SPRED1: variants seen among roughly 807,000 people sequenced by gnomAD.
SPRED1 encodes the protein sprouty-related, EVH1 domain-containing protein 1.
A neutral mutation model predicts 52.3 loss-of-function variants in SPRED1; 18 were observed. That is an observed-to-expected ratio of 0.34 (90% CI 0.24 to 0.51). SPRED1 has a LOEUF of 0.51. Among genes scored for constraint, SPRED1 ranks in the 20% least tolerant of loss-of-function variants. SPRED1 has a pLI of 0.97. For missense variants in SPRED1, 485 were observed against 551.0 expected (o/e 0.88, Z 1.20); for synonymous variants, 155 against 179.7 (o/e 0.86, Z 1.10).
At chr15:38,283,622 T>C (rs1015929539) in intron 1 of SPRED1, 3 of 544,756 alleles carry the variant, frequency 5.5e-6, no homozygotes, top group Non-Finnish European at 7.0e-6. Flanking sequence ...AATATTCTTA[T>C]TTTTATATAA....
intron 4 of SPRED1, among the ~76,000 whole-genome samples, chr15:38,328,402 G>T (rs1490886637): frequency 3.3e-5 from 5 of 152,106 alleles, no homozygotes; most frequent in African/African-American, 1.2e-4. Flanking sequence ...TAAGCTATTG[G>T]ACAACTTTCT....
chr15:38,299,418 C>T lies in SPRED1; in HGVS notation c.78C>T (p.Asp26=). The part of the protein sequence containing the change: ...RVRAVVMTRD[D]SSGGWLPLGG... ...GAGCTGTGGTGATGACCCGAGATGA[C>T]TCAAGTGGTGGATGGTTACCACTTG... is the stretch of plus-strand genomic sequence containing the variant. The change falls in exon 2 of 7, where the codon GAC becomes GAT. Residue 26 remains aspartate (D), a synonymous_variant. Transcript: ENST00000299084. 6.2e-7 allele frequency: 1 copy of T among 1,613,944 alleles called. No homozygotes were observed. The highest frequency in any genetic ancestry group is 8.5e-7 in the Non-Finnish European group (1 of 1,179,910).
intron 4 of SPRED1, among the ~76,000 whole-genome samples, chr15:38,325,029 G>A (rs1307288079): frequency 6.6e-6 from 1 of 152,128 alleles, no homozygotes; most frequent in Non-Finnish European, 1.5e-5. Flanking sequence ...TTTGAGACAA[G>A]GTCTTGCTAT....
At chr15:38,318,666 A>G (rs1285295501) in intron 2 of SPRED1, among the ~76,000 whole-genome samples, 2 of 152,080 alleles carry the variant, frequency 1.3e-5, no homozygotes, top group East Asian at 1.9e-4. Context: ...GCTCCCTCTT[A>G]TAAGTAAGAA....
In SPRED1 at chr15:38,339,903, G is replaced by A. The variant is rs1895996690; in HGVS notation, c.582+8G>A. 6.2e-7 allele frequency: 1 copy of A among 1,613,550 alleles called. No homozygotes were observed. Among genetic ancestry groups the A allele is most frequent in the South Asian group, 1.1e-5 (1 of 91,066 alleles). On this transcript the variant is annotated splice_region_variant and intron_variant, in intron 5 of 6. Transcript: ENST00000299084. ...CAAAGCCAAGCCAATCAGGTAAGAA[G>A]ATAAAATATTTTTTCGGCGCGTTGT...
chr15:38,355,710 G>A lies in SPRED1; in HGVS notation c.*4046G>A, dbSNP rs886051118. Reference sequence around the variant, plus strand: ...TTAGAAAACTTTAGTTACCTGAAAAGCAAGGATTCTTTACTAATTATTATG... The same window carrying A: ...TTAGAAAACTTTAGTTACCTGAAAAACAAGGATTCTTTACTAATTATTATG... On this transcript the variant is annotated 3_prime_UTR_variant, in exon 7 of 7. Transcript: ENST00000299084. The A allele has an allele frequency of 2.6e-5, 4 of 152,178 alleles. No individual in the cohort carries two copies. Among genetic ancestry groups the A allele is most frequent in the African/African-American group, 4.8e-5 (2 of 41,446 alleles). The allele number at this position is 152,178 out of a possible 1,614,324, so 9.4% of individuals were successfully genotyped here.
chr15:38,334,136 A>T (rs1260163783), intron 4 of SPRED1, among the ~76,000 whole-genome samples: 10 of 152,094 alleles, frequency 6.6e-5, no homozygotes, highest in Admixed American at 6.6e-4. Flanking sequence ...AAGGTGAATG[A>T]ATTTCACTGA....
chr15:38,352,027 TA>T lies in SPRED1; in HGVS notation c.*368del. Reference sequence around the variant, plus strand: ...GGTTTGAATTTATTAGGACACGAACTAAAAATAAAAGTGCACTAGGGGACAG... The same window carrying T: ...GGTTTGAATTTATTAGGACACGAACTAAAATAAAAGTGCACTAGGGGACAG... On this transcript the variant is annotated 3_prime_UTR_variant, in exon 7 of 7. Transcript: ENST00000299084. The T allele has an allele frequency of 4.1e-6, 1 of 245,560 alleles. No homozygotes were observed. Among genetic ancestry groups the T allele is most frequent in the Admixed American group, 5.1e-5 (1 of 19,532 alleles). The allele number at this position is 245,560 out of a possible 1,614,324, so 15.2% of individuals were successfully genotyped here.
At chr15:38,275,473 G>A (rs1012698664) in intron 1 of SPRED1, among the ~76,000 whole-genome samples, 1 of 152,064 alleles carries the variant, frequency 6.6e-6, no homozygotes, top group Non-Finnish European at 1.5e-5. Context: ...TGTGCTAATT[G>A]GCTTTGGGAT....
At chr15:38,265,318 T>A (rs1337972828) in intron 1 of SPRED1, among the ~76,000 whole-genome samples, 4 of 152,172 alleles carry the variant, frequency 2.6e-5, no homozygotes, top group Non-Finnish European at 5.9e-5. Context: ...GATAAAAGAA[T>A]ATTAAACAGA....
At chr15:38,326,178 A>G (rs1522789) in intron 4 of SPRED1, 145,979 of 152,336 alleles carry the variant, frequency 0.96, 70,234 homozygotes, top group East Asian at 1. Context: ...GGGAATGTTT[A>G]TTTAGTGGCT....
At position 38,278,828 on chromosome 15, in the gene SPRED1, G is replaced by GT. The variant is rs765637726; in HGVS notation, c.33-20530dup. On this transcript the variant is annotated intron_variant, in intron 1 of 6. Transcript: ENST00000299084. ...ACAACCATTATAACCTAACTACACT[G>GT]TTTTTTTTTTTTTTTGTGAAATGAA... 1.1e-3 allele frequency among the ~76,000 whole-genome samples: 128 copies of GT among 118,252 alleles called. 1 individual carries two copies. The highest frequency in any genetic ancestry group is 6.7e-3 in the Admixed American group (67 of 10,000). 77.6% of individuals were successfully genotyped at this position (118,252 alleles called of 152,430 possible).
intron 2 of SPRED1, among the ~76,000 whole-genome samples, chr15:38,309,510 G>A (rs1390703124): frequency 2.6e-5 from 4 of 152,138 alleles, no homozygotes; most frequent in South Asian, 2.1e-4. Flanking sequence ...GTTGGAATAC[G>A]TGGTTTGAAA....
At chr15:38,316,755 T>TTTTTTTTTTTTTTTTTTTTTTTTTA in intron 2 of SPRED1, among the ~76,000 whole-genome samples, 1 of 146,754 alleles carries the variant, frequency 6.8e-6, no homozygotes, top group East Asian at 2.0e-4. Context: ...TATGTTTTTT[T>TTTTTTTTTTTTTTTTTTTTTTTTTA]TTTTTTTTTT....
intron 1 of SPRED1, among the ~76,000 whole-genome samples, chr15:38,279,591 G>T (rs768289153): frequency 2.0e-5 from 3 of 152,164 alleles, no homozygotes; most frequent in African/African-American, 7.2e-5. Context: ...TCAAGGTCCA[G>T]CTCTTTTACT....
intron 4 of SPRED1, among the ~76,000 whole-genome samples, chr15:38,336,958 A>T (rs1253342676): frequency 1.3e-5 from 2 of 152,282 alleles, no homozygotes; most frequent in South Asian, 2.1e-4. Flanking sequence ...AAACAACAAC[A>T]AATAATAATT....
At chr15:38,321,810 G>A (rs185555669) in intron 2 of SPRED1, among the ~76,000 whole-genome samples, 3 of 152,150 alleles carry the variant, frequency 2.0e-5, no homozygotes, top group Non-Finnish European at 4.4e-5. Flanking sequence ...GGCCACGCTG[G>A]TCTCAAACTC....
intron 1 of SPRED1, among the ~76,000 whole-genome samples, chr15:38,270,233 A>G (rs916661227): frequency 7.9e-5 from 12 of 152,166 alleles, no homozygotes; most frequent in African/African-American, 2.9e-4. Context: ...CTATTCCTTC[A>G]AGCCCAACAC....
chr15:38,292,567 G>A (rs1418207520), intron 1 of SPRED1, among the ~76,000 whole-genome samples: 6 of 152,124 alleles, frequency 3.9e-5, no homozygotes, highest in Non-Finnish European at 8.8e-5. Flanking sequence ...ATGGCAACAA[G>A]AGAAAAATGA....
Sources: allele counts gnomAD v4.1 joint callset (sites outside exome capture counted in the v4.1 genomes callset), GRCh38; gene constraint gnomAD v4.1.1; transcripts MANE v1.5; gene names NCBI Gene and HGNC (gene_info 2026-07-23, HGNC 2026-07-21).